The following CYFIP1 variants were observed in gnomAD, a reference collection of about 807,000 sequenced individuals.
CYFIP1 encodes the protein cytoplasmic FMR1 interacting protein 1, also known as cytoplasmic FMR1-interacting protein 1.
A neutral mutation model predicts 163.5 loss-of-function variants in CYFIP1; 58 were observed. The ratio of observed to expected loss-of-function variants is 0.35; its 90% CI spans 0.29 to 0.44. CYFIP1 has a LOEUF of 0.44. CYFIP1 is among the 20% of genes least tolerant of loss of function. The probability of loss-of-function intolerance (pLI) is 1.00; values close to 1 mark genes in which losing one functional copy is unlikely to be tolerated. For missense variants in CYFIP1, 1,338 were observed against 1,653.8 expected (o/e 0.81, Z 3.31); for synonymous variants, 663 against 660.7 (o/e 1.00, Z -0.05).
chr15:22,873,737 A>G lies in CYFIP1; in HGVS notation c.3211-8T>C. 1 of 1,608,914 alleles carries G rather than the reference A, an allele frequency of 6.2e-7. No individual in the cohort carries two copies. Among genetic ancestry groups the G allele is most frequent in the Non-Finnish European group, 8.5e-7 (1 of 1,176,294 alleles). On this transcript the variant is annotated splice_polypyrimidine_tract_variant and splice_region_variant and intron_variant, in intron 28 of 30. Coordinates refer to ENST00000617928, the MANE Select transcript of CYFIP1 (RefSeq NM_014608.6). ...TCTTGCGATGGCAATTTGCTGCAGA[A>G]AGGACAAGCCGTGGAATGCCGTGGG... is the stretch of plus-strand genomic sequence containing the variant.
intron 1 of CYFIP1, among the ~76,000 whole-genome samples, chr15:22,960,586 C>T (rs2062642646): frequency 6.6e-6 from 1 of 152,232 alleles, no homozygotes; most frequent in Admixed American, 6.5e-5. Context: ...ATCAAAGGAA[C>T]AAAAGCAGAA....
In CYFIP1 at chr15:22,917,833, G is replaced by T; in HGVS notation, c.1629C>A (p.Phe543Leu). 6.2e-7 allele frequency: 1 copy of T among 1,613,798 alleles called. No individual in the cohort carries two copies. The highest frequency in any genetic ancestry group is 8.5e-7 in the Non-Finnish European group (1 of 1,179,926). Residue 543 changes from phenylalanine to leucine, a missense_variant, in exon 15 of 31, where the codon TTC (phenylalanine) becomes TTA (leucine). Phe to Leu is a conservative substitution (Grantham distance 22). Around this residue, in one of 4 missense-constraint regions of CYFIP1, gnomAD observed 824 missense variants for 995.7 expected, o/e 0.83. Coordinates refer to ENST00000617928, the MANE Select transcript of CYFIP1 (RefSeq NM_014608.6). This position sits in a 1 kb window ranked among gnomAD's most constrained non-coding sequence, Gnocchi z 4.2. ...LRGEKDPKSGFDIKVPRRAVG... is the reference protein window; with the variant it reads ...LRGEKDPKSGLDIKVPRRAVG... ...CGGCGCGGCGTGGTACTTTTATGTCGAAGCCGCTCTTGGGGTCCTTCTCGC... is the reference window on the plus strand; with the variant it reads ...CGGCGCGGCGTGGTACTTTTATGTCTAAGCCGCTCTTGGGGTCCTTCTCGC...
At position 22,869,467 on chromosome 15, in the gene CYFIP1, G is replaced by T. The variant is rs1051364162; in HGVS notation, c.*561C>A. 6.6e-6 allele frequency: 1 copy of T among 152,152 alleles called. No homozygotes were observed. Among genetic ancestry groups the T allele is most frequent in the South Asian group, 2.1e-4 (1 of 4,828 alleles). 9.4% of individuals were successfully genotyped at this position (152,152 alleles called of 1,614,324 possible). On this transcript the variant is annotated 3_prime_UTR_variant, in exon 31 of 31. Transcript: ENST00000617928. ...TAGAGTAAATAAATGAACACAAATA[G>T]ATCTCATTAGTTTTATTTCTATAAC...
rs112433925 is a variant in CYFIP1, at chr15:22,914,425, CTT to C, written c.1985+299_1985+300del. 7.4e-3 allele frequency among the ~76,000 whole-genome samples: 1,080 copies of C among 145,336 alleles called. 9 individuals carry two copies. Among genetic ancestry groups the C allele is most frequent in the African/African-American group, 0.025 (1,000 of 39,758 alleles). ...CTTTACCCCAGGAAACATGATTTCT[CTT>C]TTTTTTTTTTTTATTTGGAGACAGG... On this transcript the variant is annotated intron_variant, in intron 17 of 30. Coordinates refer to ENST00000617928, the MANE Select transcript of CYFIP1 (RefSeq NM_014608.6).
chr15:22,956,944 C>G (rs55776079), intron 1 of CYFIP1, among the ~76,000 whole-genome samples: 2 of 152,142 alleles, frequency 1.3e-5, no homozygotes, highest in African/African-American at 2.4e-5. Context: ...CAAGAGGGAG[C>G]TTTTCACAGG....
chr15:22,950,255 T>TA (rs1250387766), intron 1 of CYFIP1, among the ~76,000 whole-genome samples: 4 of 152,094 alleles, frequency 2.6e-5, no homozygotes, highest in African/African-American at 9.7e-5. Context: ...ACAAGAAACT[T>TA]ACTTCAAATA....
At chr15:22,906,105 A>AT (rs1341538583) in intron 21 of CYFIP1, among the ~76,000 whole-genome samples, 1 of 145,582 alleles carries the variant, frequency 6.9e-6, no homozygotes, top group African/African-American at 2.6e-5. Flanking sequence ...TTATTTCTCG[A>AT]TTTATTTTTT....
intron 11 of CYFIP1, among the ~76,000 whole-genome samples, chr15:22,931,291 G>A (rs1042743111): frequency 6.6e-5 from 10 of 152,188 alleles, no homozygotes; most frequent in Admixed American, 6.5e-4. Context: ...CAGCAGTGCT[G>A]GCTCGGAGTC....
intron 11 of CYFIP1, among the ~76,000 whole-genome samples, chr15:22,929,138 A>G (rs538724576): frequency 9.9e-5 from 15 of 151,258 alleles, no homozygotes; most frequent in African/African-American, 2.9e-4. Flanking sequence ...GAGAATTGCT[A>G]GAACCCAGGA....
In CYFIP1 at chr15:22,910,584, C is replaced by T. The variant is rs777175128; in HGVS notation, c.2204G>A (p.Gly735Glu). ...KRLRSECKNQ[G>E]ATIHLPPSNR... Reference sequence around the variant, plus strand: ...AGACGGCGGGAGGTGGATCGTGGCTCCCTGATTCTTGCATTCTGATCGTAA... The same window carrying T: ...AGACGGCGGGAGGTGGATCGTGGCTTCCTGATTCTTGCATTCTGATCGTAA... Residue 735 changes from glycine to glutamate, a missense_variant, in exon 20 of 31, where the codon GGA becomes GAA. Coordinates refer to ENST00000617928, the MANE Select transcript of CYFIP1 (RefSeq NM_014608.6). 7.4e-6 allele frequency: 12 copies of T among 1,614,064 alleles called. No homozygotes were observed. Among genetic ancestry groups the T allele is most frequent in the Non-Finnish European group, 1.0e-5 (12 of 1,180,032 alleles).
At chr15:22,925,777 C>T (rs1462377151) in intron 13 of CYFIP1, among the ~76,000 whole-genome samples, 1 of 152,128 alleles carries the variant, frequency 6.6e-6, no homozygotes, top group Non-Finnish European at 1.5e-5. Flanking sequence ...CAGATTCGCA[C>T]CCAGGGAGCT....
Position 22,868,348 on chromosome 15 carries a change from A to G in CYFIP1, c.*1680T>C, listed in dbSNP as rs1375556655. The G allele has an allele frequency of 6.6e-6, 1 of 150,798 alleles. No individual in the cohort carries two copies. Among genetic ancestry groups the G allele is most frequent in the East Asian group, 1.9e-4 (1 of 5,208 alleles). 9.3% of individuals were successfully genotyped at this position (150,798 alleles called of 1,614,324 possible). On this transcript the variant is annotated 3_prime_UTR_variant, in exon 31 of 31. Coordinates refer to ENST00000617928, the MANE Select transcript of CYFIP1 (RefSeq NM_014608.6). ...CTTGAGGACAGAGACTCATTTGAAC[A>G]TGCATAGGTTAATAAATAATAAATT... is the stretch of plus-strand genomic sequence containing the variant.
Position 22,870,003 on chromosome 15 carries a change from G to T in CYFIP1, c.*25C>A. The T allele has an allele frequency of 6.5e-7, 1 of 1,549,884 alleles. No individual in the cohort carries two copies. Among genetic ancestry groups the T allele is most frequent in the Non-Finnish European group, 8.7e-7 (1 of 1,153,658 alleles). ...TACGGAGAGAAAGGCATGCCATGTT[G>T]AGTTACGGAGTGCAGCGCGTGCCCT... On this transcript the variant is annotated 3_prime_UTR_variant, in exon 31 of 31. Transcript: ENST00000617928.
chr15:22,914,664 C>T, intron 17 of CYFIP1, 62 bp downstream of exon 17: 1 of 1,511,334 alleles, frequency 6.6e-7, no homozygotes, highest in Non-Finnish European at 8.9e-7. Flanking sequence ...TCTCCGCCAC[C>T]TCCTCTGAGG....
chr15:22,908,034 T>C (rs924330909), intron 21 of CYFIP1, among the ~76,000 whole-genome samples: 9 of 152,244 alleles, frequency 5.9e-5, no homozygotes, highest in African/African-American at 2.2e-4. Context: ...TTTATTTTTC[T>C]CTGTTCCCCA....
intron 22 of CYFIP1, among the ~76,000 whole-genome samples, chr15:22,896,933 G>A (rs2060255171): frequency 6.6e-6 from 1 of 152,026 alleles, no homozygotes; most frequent in Admixed American, 6.6e-5. Flanking sequence ...TTGGCCGGGC[G>A]AGGTGGCTCA....
rs545390281 is a variant in CYFIP1 at position 22,868,171 on chromosome 15, A to G, written c.*1857T>C. The stretch of plus-strand genomic sequence containing the variant: ...GCTGCGTGGAAACTCCCTTTTTTCC[A>G]ACTTTATTATTGGCCTTCTAAGGAG... On this transcript the variant is annotated 3_prime_UTR_variant, in exon 31 of 31. Coordinates refer to ENST00000617928, the MANE Select transcript of CYFIP1 (RefSeq NM_014608.6). 6.2e-4 allele frequency: 95 copies of G among 152,306 alleles called. 1 individual carries two copies. The highest frequency in any genetic ancestry group is 2.1e-3 in the African/African-American group (89 of 41,556). 9.4% of individuals were successfully genotyped at this position (152,306 alleles called of 1,614,324 possible). A position where few individuals can be genotyped will look rare whatever the true frequency, so the allele number is the denominator to read the frequency against.
chr15:22,921,764 C>CAAA (rs35027433), intron 13 of CYFIP1, among the ~76,000 whole-genome samples: 86 of 57,586 alleles, frequency 1.5e-3, no homozygotes, highest in Middle Eastern at 0.01. Context: ...GACTCTGTCT[C>CAAA]AAAAAAAAAA....
chr15:22,938,733 T>C (rs1595659600), intron 8 of CYFIP1, among the ~76,000 whole-genome samples: 1 of 151,704 alleles, frequency 6.6e-6, no homozygotes, highest in South Asian at 2.1e-4. Context: ...CAAGATTCTC[T>C]CTCTACAAAA....
Sources: allele counts gnomAD v4.1 joint callset (sites outside exome capture counted in the v4.1 genomes callset), GRCh38; gene constraint gnomAD v4.1.1; regional missense constraint gnomAD v4.1.1; non-coding constraint Gnocchi (gnomAD v3.1); transcripts MANE v1.5; gene names NCBI Gene and HGNC (gene_info 2026-07-23, HGNC 2026-07-21).